Variants in CRTAP observed in about 807,000 individuals in gnomAD.
CRTAP encodes the protein cartilage-associated protein.
CRTAP carries 33 observed loss-of-function variants against 42.7 expected under a neutral mutation model. The observed-to-expected ratio is 0.77, with a 90% CI of 0.59 to 1.03. The LOEUF is 1.03. Among genes scored for constraint, CRTAP ranks in the 50% least tolerant of loss-of-function variants. CRTAP has a pLI of 0.00. For synonymous variants in CRTAP, 243 were observed against 217.7 expected, an observed-to-expected ratio of 1.12 and a Z score of -1.02; for missense variants, 613 against 533.9, an observed-to-expected ratio of 1.15 and a Z score of -1.46.
intron 2 of CRTAP, among the ~76,000 whole-genome samples, chr3:33,122,985 A>G (rs183056700): frequency 2.2e-3 from 329 of 150,716 alleles, no homozygotes; most frequent in Non-Finnish European, 3.4e-3. Context: ...TTTTTTTGAG[A>G]TGAAGTCTCG....
At chr3:33,118,993 C>A (rs934540449) in intron 1 of CRTAP, among the ~76,000 whole-genome samples, 1 of 152,186 alleles carries the variant, frequency 6.6e-6, no homozygotes, top group Non-Finnish European at 1.5e-5. Context: ...TCTTCTTCTC[C>A]CAGGCCAGTC....
intron 4 of CRTAP, among the ~76,000 whole-genome samples, chr3:33,131,504 G>A (rs986495453): frequency 6.6e-6 from 1 of 152,112 alleles, no homozygotes; most frequent in Admixed American, 6.6e-5. Context: ...ATCCTCACGT[G>A]CCCTGAAAAT....
At chr3:33,131,295 C>G (rs749852673) in intron 4 of CRTAP, among the ~76,000 whole-genome samples, 11 of 151,780 alleles carry the variant, frequency 7.2e-5, no homozygotes, top group Non-Finnish European at 1.5e-4. Context: ...TCTCACCTCC[C>G]ATCCTCTTCA....
intron 1 of CRTAP, among the ~76,000 whole-genome samples, chr3:33,119,283 G>T (rs561741506): frequency 1.3e-5 from 2 of 152,318 alleles, no homozygotes; most frequent in Non-Finnish European, 2.9e-5. Flanking sequence ...CCTGAGGACT[G>T]TGTGAGGCAC....
chr3:33,125,491 GTTTTTTT>G (rs60498778), intron 3 of CRTAP, among the ~76,000 whole-genome samples: 2 of 30,126 alleles, frequency 6.6e-5, no homozygotes, highest in Non-Finnish European at 1.1e-4. Flanking sequence ...TACAAAGTAG[GTTTTTTT>G]TTTTTTTTTT....
rs556534357 is a variant in CRTAP, at chr3:33,142,916, AGT to A, written c.*470_*471del. 40 of 188,554 alleles carry A rather than the reference AGT, an allele frequency of 2.1e-4. No homozygotes were observed. In the East Asian group the frequency reaches 4.6e-3, roughly 22 times the overall value. The allele number at this position is 188,554 out of a possible 1,614,324, so 11.7% of individuals were successfully genotyped here. ...TGATCCATCTGCCTTGGCCTCCCAC[AGT>A]GCTGGGATTACAGGCGTGAGCCACC... is the stretch of plus-strand genomic sequence containing the variant. On this transcript the variant is annotated 3_prime_UTR_variant, in exon 7 of 7. Transcript: ENST00000320954.
At chr3:33,116,989 T>C (rs1211508123) in intron 1 of CRTAP, among the ~76,000 whole-genome samples, 1 of 152,054 alleles carries the variant, frequency 6.6e-6, no homozygotes, top group East Asian at 1.9e-4. Flanking sequence ...CCTTTCTAGT[T>C]TCAGCTACTC....
At chr3:33,118,281 C>G (rs554156905) in intron 1 of CRTAP, among the ~76,000 whole-genome samples, 1 of 152,334 alleles carries the variant, frequency 6.6e-6, no homozygotes, top group South Asian at 2.1e-4. Flanking sequence ...TTTCTAAGTG[C>G]TGTTCTGAGA....
intron 5 of CRTAP, 31 bp downstream of exon 5, chr3:33,132,731 C>G: frequency 1.2e-6 from 2 of 1,612,262 alleles, no homozygotes; most frequent in South Asian, 1.1e-5. Flanking sequence ...CTTCCCTTTT[C>G]TCTTCATTCT....
In CRTAP at chr3:33,124,308, G is replaced by A. The variant is rs2029989301; in HGVS notation, c.622-100G>A. The A allele has an allele frequency of 2.1e-6, 3 of 1,395,848 alleles. No individual in the cohort carries two copies. In the Admixed American group the frequency reaches 5.1e-5, roughly 24 times the overall value. 86.5% of individuals were successfully genotyped at this position (1,395,848 alleles called of 1,614,324 possible). On this transcript the variant is annotated intron_variant, in intron 2 of 6. Coordinates refer to ENST00000320954, the MANE Select transcript of CRTAP (RefSeq NM_006371.5). The stretch of plus-strand genomic sequence containing the variant: ...CCAGTGTGGCTTCTTCAGAGCTAAT[G>A]AGAGCTAGCTTGGTGGTGGTCTTGG...
chr3:33,135,493 G>A (rs1380079557), intron 6 of CRTAP, among the ~76,000 whole-genome samples: 1 of 152,054 alleles, frequency 6.6e-6, no homozygotes, highest in Non-Finnish European at 1.5e-5. Flanking sequence ...GCTGGGTATG[G>A]TGGAGTGCAC....
intron 3 of CRTAP, 118 bp downstream of exon 3, chr3:33,124,697 C>A: frequency 1.7e-6 from 2 of 1,202,494 alleles, no homozygotes; most frequent in South Asian, 1.2e-5. Flanking sequence ...TTTGAGCATA[C>A]TTATTAACGG....
In CRTAP at chr3:33,146,854, G is replaced by C. The variant is rs2030735586; in HGVS notation, c.*4406G>C. ...AACATTTATGGAAATAACGTTTCTA[G>C]GTTTTAAATGTGAGCCGTAAACTGA... On this transcript the variant is annotated 3_prime_UTR_variant, in exon 7 of 7. Coordinates refer to ENST00000320954, the MANE Select transcript of CRTAP (RefSeq NM_006371.5). 6.6e-6 allele frequency: 1 copy of C among 152,102 alleles called. No individual in the cohort carries two copies. Among genetic ancestry groups the C allele is most frequent in the South Asian group, 2.1e-4 (1 of 4,814 alleles). 9.4% of individuals were successfully genotyped at this position (152,102 alleles called of 1,614,324 possible). A position where few individuals can be genotyped will look rare whatever the true frequency, so the allele number is the denominator to read the frequency against.
intron 3 of CRTAP, among the ~76,000 whole-genome samples, chr3:33,127,336 A>AT (rs1234857098): frequency 1.3e-5 from 2 of 152,122 alleles, no homozygotes; most frequent in African/African-American, 4.8e-5. Context: ...AAGAACTCTC[A>AT]TGTACACCTT....
intron 1 of CRTAP, among the ~76,000 whole-genome samples, 193 bp from the exon 2 acceptor site, chr3:33,120,151 G>A (rs1350716247): frequency 6.6e-6 from 1 of 152,204 alleles, no homozygotes; most frequent in African/African-American, 2.4e-5. Context: ...CATCCAGACA[G>A]TCGCTTTCAG....
chr3:33,145,635 C>T lies in CRTAP; in HGVS notation c.*3187C>T, dbSNP rs372031036. ...TAGTGTGCCCAGCAGCTGTGAACTC[C>T]CCTTATAGCCTCAGGCTGCAGTGTC... On this transcript the variant is annotated 3_prime_UTR_variant, in exon 7 of 7. Transcript: ENST00000320954. The surrounding 1 kb of genome is among the most constrained non-coding windows in gnomAD (Gnocchi z 4.3). 1 of 152,224 alleles carries T rather than the reference C, an allele frequency of 6.6e-6. No individual in the cohort carries two copies. Among genetic ancestry groups the T allele is most frequent in the Non-Finnish European group, 1.5e-5 (1 of 68,086 alleles). 9.4% of individuals were successfully genotyped at this position (152,224 alleles called of 1,614,324 possible). A position where few individuals can be genotyped will look rare whatever the true frequency, so the allele number is the denominator to read the frequency against.
chr3:33,134,845 T>C (rs1398926993), intron 6 of CRTAP, among the ~76,000 whole-genome samples: 2 of 152,166 alleles, frequency 1.3e-5, no homozygotes, highest in Non-Finnish European at 2.9e-5. Context: ...TGGAAAATGC[T>C]TACTGAGAAA....
Position 33,136,436 on chromosome 3 carries a change from A to C in CRTAP, c.1152+2171A>C, listed in dbSNP as rs544150555. ...GGAGTATATACATAGGTATTATGTT[A>C]GGCCATTTTTGCATCACTGTAAAGA... is the stretch of plus-strand genomic sequence containing the variant. On this transcript the variant is annotated intron_variant, in intron 6 of 6. Transcript: ENST00000320954. 2.0e-5 allele frequency among the ~76,000 whole-genome samples: 3 copies of C among 152,326 alleles called. No individual in the cohort carries two copies. The South Asian group carries it at 6.2e-4, about 32-fold the overall frequency.
At chr3:33,133,433 A>C (rs766719809) in intron 5 of CRTAP, among the ~76,000 whole-genome samples, 1 of 151,876 alleles carries the variant, frequency 6.6e-6, no homozygotes, top group Non-Finnish European at 1.5e-5. Context: ...TAATTTTTGT[A>C]GTTTTAGTAG....
Sources: gnomAD v4.1 joint callset for allele counts (sites outside exome capture counted in the v4.1 genomes callset) on GRCh38, gnomAD v4.1.1 for gene constraint, Gnocchi (gnomAD v3.1) non-coding constraint, MANE v1.5 for transcripts, NCBI Gene and HGNC (gene_info 2026-07-23, HGNC 2026-07-21) for gene names.